STK4: variants seen among roughly 807,000 people sequenced by gnomAD.
The protein encoded by STK4 is serine/threonine-protein kinase 4.
In STK4, 30 loss-of-function variants were observed where a neutral mutation model predicts 64.9. The ratio of observed to expected loss-of-function variants is 0.46; its 90% confidence interval spans 0.35 to 0.63. The LOEUF is 0.63. Ranked by LOEUF, STK4 falls within the 20% of genes least tolerant of loss-of-function variation. STK4 has a pLI of 0.01. For synonymous variants in STK4, 177 were observed against 199.0 expected (o/e 0.89, Z 0.93); for missense variants, 466 against 598.5 (o/e 0.78, Z 2.31).
chr20:44,978,700 G>A (rs913527113), intron 3 of STK4, 129 bp downstream of exon 3: 4 of 1,078,622 alleles, frequency 3.7e-6, no homozygotes, highest in Non-Finnish European at 2.5e-6. Context: ...GAATCACTGT[G>A]CATTTTCTTT....
At chr20:45,051,596 A>G (rs971207410) in intron 10 of STK4, among the ~76,000 whole-genome samples, 1 of 152,144 alleles carries the variant, frequency 6.6e-6, no homozygotes, top group East Asian at 1.9e-4. Flanking sequence ...TATGTTTTCA[A>G]CTGCAGCGAT....
chr20:44,992,076 G>T (rs1320643811), intron 5 of STK4, among the ~76,000 whole-genome samples: 4 of 151,696 alleles, frequency 2.6e-5, no homozygotes, highest in African/African-American at 9.7e-5. Flanking sequence ...TTTACTAGTT[G>T]TCTTTTAATT....
intron 9 of STK4, among the ~76,000 whole-genome samples, chr20:45,009,874 TTTTTTATCCTGAAAC>T (rs1349434935): frequency 6.6e-6 from 1 of 152,152 alleles, no homozygotes; most frequent in African/African-American, 2.4e-5. Flanking sequence ...TTTTGTACAT[TTTTTTATCCTGAAAC>T]TTTACTAAAT....
At chr20:45,011,032 A>T (rs375290402) in intron 9 of STK4, among the ~76,000 whole-genome samples, 1 of 152,222 alleles carries the variant, frequency 6.6e-6, no homozygotes, top group African/African-American at 2.4e-5. Flanking sequence ...AGAACGAAAG[A>T]GGCAAACCAT....
chr20:45,070,737 T>G lies in STK4; in HGVS notation c.1306-4281T>G, dbSNP rs562327616. Among the ~76,000 whole-genome samples the G allele has an allele frequency of 2.0e-5, 3 of 151,938 alleles. No homozygotes were observed. The South Asian group carries it at 6.2e-4, about 32-fold the overall frequency. On this transcript the variant is annotated intron_variant, in intron 10 of 10. Transcript: ENST00000372806. The stretch of plus-strand genomic sequence containing the variant: ...CCTGTCTCTACTAAAAATACAAAAA[T>G]CTAGCCGAGCGCAGGTGGCAGGCGC...
intron 10 of STK4, among the ~76,000 whole-genome samples, chr20:45,056,779 G>A (rs562044241): frequency 2.6e-5 from 4 of 152,174 alleles, no homozygotes; most frequent in Non-Finnish European, 5.9e-5. Context: ...TATGATAAAA[G>A]AGTAACTATC....
chr20:45,043,680 G>T (rs1286022089), intron 10 of STK4, among the ~76,000 whole-genome samples: 1 of 152,166 alleles, frequency 6.6e-6, no homozygotes, highest in African/African-American at 2.4e-5. Context: ...AGTGCTCATT[G>T]GAGCATTTCA....
At chr20:45,030,662 A>G (rs1040030529) in intron 10 of STK4, among the ~76,000 whole-genome samples, 19 of 152,208 alleles carry the variant, frequency 1.2e-4, no homozygotes. Context: ...AACCCCTCCA[A>G]AAATTTCTAA....
chr20:45,011,731 T>TATATA (rs1428985946), intron 9 of STK4, among the ~76,000 whole-genome samples: 884 of 81,110 alleles, frequency 0.011, 11 homozygotes, highest in South Asian at 0.04. Context: ...ATATATATAT[T>TATATA]TTTTTTTTTT....
intron 4 of STK4, among the ~76,000 whole-genome samples, chr20:44,982,419 C>T (rs965280197): frequency 6.6e-6 from 1 of 151,582 alleles, no homozygotes; most frequent in Non-Finnish European, 1.5e-5. Context: ...ACAAGTATGA[C>T]CCCCCCATGC....
At chr20:45,025,167 G>T in intron 10 of STK4, 37 bp downstream of exon 10, 4 of 1,575,850 alleles carry the variant, frequency 2.5e-6, no homozygotes, top group South Asian at 1.2e-5. Flanking sequence ...ATGTCTTCAG[G>T]GGAAGTTATT....
At chr20:45,024,888 AG>A (rs2068315717) in intron 9 of STK4, 84 bp from the exon 10 acceptor site, 1 of 1,302,130 alleles carries the variant, frequency 7.7e-7, no homozygotes, top group African/African-American at 1.5e-5. Flanking sequence ...CAGAGATTGT[AG>A]CCCATCTGGA....
At chr20:45,023,933 C>T (rs1220831286) in intron 9 of STK4, among the ~76,000 whole-genome samples, 1 of 140,616 alleles carries the variant, frequency 7.1e-6, no homozygotes, top group Non-Finnish European at 1.5e-5. Flanking sequence ...CAGAGTCTCG[C>T]TCTGTCACCC....
At chr20:45,003,184 T>C (rs1306700541) in intron 9 of STK4, among the ~76,000 whole-genome samples, 1 of 152,100 alleles carries the variant, frequency 6.6e-6, no homozygotes, top group Non-Finnish European at 1.5e-5. Flanking sequence ...AAATTTTTTG[T>C]AGAGACAGGG....
At chr20:45,020,238 T>C (rs1457806781) in intron 9 of STK4, among the ~76,000 whole-genome samples, 1 of 152,194 alleles carries the variant, frequency 6.6e-6, no homozygotes, top group Non-Finnish European at 1.5e-5. Flanking sequence ...GATAGATGCC[T>C]ATTAAGTGTA....
Position 44,984,186 on chromosome 20 carries a change from G to GTTTTTTTTT in STK4, c.360+2258_360+2266dup, listed in dbSNP as rs11397664. On this transcript the variant is annotated intron_variant, in intron 4 of 10. Transcript: ENST00000372806. ...GTGCTGGTTTTTTGTTGTTGTCGTT[G>GTTTTTTTTT]TTTTTTTTTTTTTTTTTTTTTTTGA... is the stretch of plus-strand genomic sequence containing the variant. Among the ~76,000 whole-genome samples, 62 of 76,076 alleles carry GTTTTTTTTT rather than the reference G, an allele frequency of 8.1e-4. 2 individuals are homozygous for GTTTTTTTTT. Among genetic ancestry groups the GTTTTTTTTT allele is most frequent in the East Asian group, 1.7e-3 (4 of 2,382 alleles). The allele number at this position is 76,076 out of a possible 152,430, so 49.9% of individuals were successfully genotyped here.
At chr20:44,978,654 T>G in intron 3 of STK4, 83 bp downstream of exon 3, 1 of 1,405,624 alleles carries the variant, frequency 7.1e-7, no homozygotes, top group East Asian at 2.5e-5. Context: ...TAGAGACACA[T>G]TTACTTAGAT....
chr20:45,031,797 CAG>C (rs1191856302), intron 10 of STK4, among the ~76,000 whole-genome samples: 2 of 150,354 alleles, frequency 1.3e-5, no homozygotes, highest in South Asian at 2.1e-4. Flanking sequence ...CCCAGCTACT[CAG>C]GGGGCCGAGG....
intron 10 of STK4, among the ~76,000 whole-genome samples, chr20:45,042,921 T>C (rs1208489455): frequency 2.7e-5 from 4 of 150,224 alleles, no homozygotes; most frequent in Non-Finnish European, 5.9e-5. Context: ...TGTGCCATGT[T>C]GGTTTATGGC....
Sources: allele counts gnomAD v4.1 joint callset (sites outside exome capture counted in the v4.1 genomes callset), GRCh38; gene constraint gnomAD v4.1.1; transcripts MANE v1.5; gene names NCBI Gene and HGNC (gene_info 2026-07-23, HGNC 2026-07-21).